MAGI2: variants seen among roughly 807,000 people sequenced by gnomAD.
The protein encoded by MAGI2 is membrane-associated guanylate kinase, WW and PDZ domain-containing protein 2.
MAGI2 carries 35 observed loss-of-function variants against 133.3 expected under a neutral mutation model. The ratio of observed to expected loss-of-function variants is 0.26; its 90% CI spans 0.20 to 0.35. The LOEUF is 0.35. Among genes scored for constraint, MAGI2 ranks in the 10% least tolerant of loss-of-function variants. MAGI2 has a pLI of 1.00. For synonymous variants in MAGI2, 729 were observed against 710.6 expected (o/e 1.03, Z -0.41); for missense variants, 1,636 against 1,863.4 (o/e 0.88, Z 2.25).
intron 1 of MAGI2, among the ~76,000 whole-genome samples, chr7:79,034,376 G>A (rs1004278148): frequency 5.9e-5 from 9 of 152,100 alleles, no homozygotes; most frequent in South Asian, 2.1e-4. Context: ...TCCAGGTTGC[G>A]GGTGAGTATA....
At chr7:78,530,778 T>C (rs1206872373) in intron 3 of MAGI2, among the ~76,000 whole-genome samples, 3 of 152,168 alleles carry the variant, frequency 2.0e-5, no homozygotes, top group Non-Finnish European at 4.4e-5. Flanking sequence ...ATTTCCAATT[T>C]CCTTTCAGTC....
intron 21 of MAGI2, among the ~76,000 whole-genome samples, chr7:78,057,150 G>A (rs1388227507): frequency 2.0e-5 from 3 of 151,394 alleles, no homozygotes; most frequent in Admixed American, 6.6e-5. Flanking sequence ...CCTCCATACC[G>A]TTTCCATAAT....
At chr7:78,430,202 C>T (rs1799657447) in intron 6 of MAGI2, among the ~76,000 whole-genome samples, 1 of 138,742 alleles carries the variant, frequency 7.2e-6, no homozygotes, top group Non-Finnish European at 1.5e-5. Context: ...AAAAATATTA[C>T]AATGCTCTAA....
At chr7:78,147,842 A>T (rs1246541459) in intron 16 of MAGI2, among the ~76,000 whole-genome samples, 1 of 152,000 alleles carries the variant, frequency 6.6e-6, no homozygotes, top group African/African-American at 2.4e-5. Context: ...ACCAAAAAAA[A>T]CCACCCCCAA....
intron 9 of MAGI2, among the ~76,000 whole-genome samples, chr7:78,303,486 C>G (rs1354553868): frequency 6.6e-6 from 1 of 150,958 alleles, no homozygotes; most frequent in East Asian, 2.0e-4. Context: ...ATCATCATCT[C>G]TCTGCATGCT....
intron 12 of MAGI2, among the ~76,000 whole-genome samples, chr7:78,189,348 G>T (rs745699149): frequency 6.6e-6 from 1 of 152,108 alleles, no homozygotes; most frequent in Non-Finnish European, 1.5e-5. Flanking sequence ...TTGAACTGGC[G>T]TGTGATCACT....
chr7:78,479,710 A>G (rs928220990), intron 6 of MAGI2, among the ~76,000 whole-genome samples: 1 of 151,992 alleles, frequency 6.6e-6, no homozygotes, highest in Admixed American at 6.6e-5. Context: ...ATGAATGTCC[A>G]GGATAAACAT....
intron 2 of MAGI2, among the ~76,000 whole-genome samples, chr7:78,718,771 C>T (rs538925012): frequency 3.4e-4 from 51 of 152,016 alleles, no homozygotes; most frequent in African/African-American, 1.1e-3. Flanking sequence ...CTATCCATCC[C>T]CGCACCCCCA....
chr7:78,894,635 G>T (rs996530003), intron 2 of MAGI2, among the ~76,000 whole-genome samples: 1 of 152,006 alleles, frequency 6.6e-6, no homozygotes, highest in Non-Finnish European at 1.5e-5. Flanking sequence ...AAATCCCCAA[G>T]AAACCAGTTT....
intron 7 of MAGI2, among the ~76,000 whole-genome samples, chr7:78,352,124 A>G (rs1791581724): frequency 6.6e-6 from 1 of 152,208 alleles, no homozygotes; most frequent in Non-Finnish European, 1.5e-5. Context: ...TACTCAGTCA[A>G]TGCTAACTAT....
At chr7:78,715,600 C>T (rs1264462443) in intron 2 of MAGI2, among the ~76,000 whole-genome samples, 1 of 152,044 alleles carries the variant, frequency 6.6e-6, no homozygotes, top group East Asian at 1.9e-4. Flanking sequence ...AATGATTAGC[C>T]TAATGACACA....
At chr7:78,831,726 T>C (rs1554582216) in intron 2 of MAGI2, among the ~76,000 whole-genome samples, 3 of 152,216 alleles carry the variant, frequency 2.0e-5, no homozygotes, top group Non-Finnish European at 2.9e-5. Context: ...TCACTTCTTT[T>C]ATAAATAAAG....
At chr7:79,214,407 C>CTCTCTCTCTCTA (rs1554406633) in intron 1 of MAGI2, among the ~76,000 whole-genome samples, 3 of 17,718 alleles carry the variant, frequency 1.7e-4, no homozygotes, top group African/African-American at 2.3e-4. Flanking sequence ...CTCTCTCTCT[C>CTCTCTCTCTCTA]TATATATATA....
chr7:78,944,194 A>G (rs1328057074), intron 2 of MAGI2, among the ~76,000 whole-genome samples: 2 of 152,098 alleles, frequency 1.3e-5, no homozygotes, highest in African/African-American at 4.8e-5. Context: ...ACCTACACTC[A>G]TACTATTGCA....
intron 21 of MAGI2, among the ~76,000 whole-genome samples, chr7:78,036,759 G>A (rs1369204643): frequency 6.6e-6 from 1 of 152,092 alleles, no homozygotes; most frequent in African/African-American, 2.4e-5. Context: ...TGGGACCACA[G>A]GTGTCTGCCA....
At chr7:79,215,962 G>T (rs1476240627) in intron 1 of MAGI2, among the ~76,000 whole-genome samples, 1 of 151,734 alleles carries the variant, frequency 6.6e-6, no homozygotes, top group Non-Finnish European at 1.5e-5. Flanking sequence ...GGAAATACTG[G>T]GTAGAAGTGG....
chr7:78,201,073 G>T, intron 11 of MAGI2, 89 bp downstream of exon 11: 1 of 832,280 alleles, frequency 1.2e-6, no homozygotes, highest in Non-Finnish European at 1.9e-6. Flanking sequence ...AGTTGAAAGA[G>T]ATTTTGAGGT....
chr7:78,624,301 G>A (rs1301043652), intron 3 of MAGI2, among the ~76,000 whole-genome samples: 1 of 152,128 alleles, frequency 6.6e-6, no homozygotes, highest in African/African-American at 2.4e-5. Flanking sequence ...TGGCTGTGCA[G>A]AAGCTATTTA....
At chr7:78,064,027 C>A (rs895280088) in intron 21 of MAGI2, among the ~76,000 whole-genome samples, 1 of 152,128 alleles carries the variant, frequency 6.6e-6, no homozygotes, top group Non-Finnish European at 1.5e-5. Flanking sequence ...TGACTCAGGC[C>A]TCCTCATCCC....
Sources: allele counts gnomAD v4.1 joint callset (sites outside exome capture counted in the v4.1 genomes callset), GRCh38; gene constraint gnomAD v4.1.1; transcripts MANE v1.5; gene names NCBI Gene and HGNC (gene_info 2026-07-23, HGNC 2026-07-21).